Variants in REDIC1 observed in about 807,000 individuals in gnomAD.
REDIC1 encodes the protein HEI10 Interacting Protein 1.
chr12:39,739,380 T>C, the REDIC1 span, among the ~76,000 whole-genome samples: 1 of 152,170 alleles, frequency 6.6e-6, no homozygotes, highest in South Asian at 2.1e-4. Context: ...ACTTAGTCAG[T>C]AAACAATATT....
chr12:39,861,157 A>C, the REDIC1 span, among the ~76,000 whole-genome samples: 1 of 152,214 alleles, frequency 6.6e-6, no homozygotes, highest in Non-Finnish European at 1.5e-5. Context: ...TTAAGAGCTC[A>C]GTACAAACAT....
the REDIC1 span, among the ~76,000 whole-genome samples, chr12:39,818,271 C>T: frequency 6.7e-6 from 1 of 150,104 alleles, no homozygotes; most frequent in Non-Finnish European, 1.5e-5. Context: ...TCTGTGAAGT[C>T]ACAGGAAAAA....
At chr12:39,646,440 G>C in the REDIC1 span, 1 of 1,551,080 alleles carries the variant, frequency 6.4e-7, no homozygotes, top group Non-Finnish European at 8.7e-7. Context: ...TCTAAACTCT[G>C]CCTTGATGAT....
the REDIC1 span, among the ~76,000 whole-genome samples, chr12:39,751,014 T>C: frequency 1.3e-5 from 2 of 152,172 alleles, no homozygotes; most frequent in African/African-American, 2.4e-5. Flanking sequence ...AAGGACTTCA[T>C]GTCTAAAACA....
At chr12:39,752,971 G>C in the REDIC1 span, among the ~76,000 whole-genome samples, 1 of 152,188 alleles carries the variant, frequency 6.6e-6, no homozygotes, top group Admixed American at 6.5e-5. Context: ...CAGAGAATCT[G>C]ATTCAGCAGG....
At chr12:39,795,727 G>A in the REDIC1 span, among the ~76,000 whole-genome samples, 5 of 152,094 alleles carry the variant, frequency 3.3e-5, no homozygotes, top group South Asian at 2.1e-4. Flanking sequence ...TTATGGGCAC[G>A]GGAAACATAA....
chr12:39,738,283 G>T, the REDIC1 span, among the ~76,000 whole-genome samples: 17 of 152,282 alleles, frequency 1.1e-4, no homozygotes, highest in African/African-American at 3.8e-4. Flanking sequence ...TTGGCCATTT[G>T]TTCCTCAGCT....
chr12:39,896,503 T>TAC, the REDIC1 span, among the ~76,000 whole-genome samples: 2 of 146,508 alleles, frequency 1.4e-5, no homozygotes, highest in East Asian at 2.3e-4. Flanking sequence ...CACATATATG[T>TAC]ATGTACATGT....
chr12:39,850,649 A>G, the REDIC1 span, among the ~76,000 whole-genome samples: 3 of 152,216 alleles, frequency 2.0e-5, no homozygotes. Context: ...ATATTTACTT[A>G]TGTGTTTAGC....
chr12:39,719,155 G>T, the REDIC1 span, among the ~76,000 whole-genome samples: 1 of 152,104 alleles, frequency 6.6e-6, no homozygotes, highest in East Asian at 1.9e-4. Flanking sequence ...TAGAAAGGAA[G>T]AGATGACTGT....
At chr12:39,639,694 C>T in the REDIC1 span, among the ~76,000 whole-genome samples, 1 of 151,892 alleles carries the variant, frequency 6.6e-6, no homozygotes, top group Admixed American at 6.6e-5. Flanking sequence ...AGAAACAGAA[C>T]CTACCTTACA....
chr12:39,728,504 T>C, the REDIC1 span, among the ~76,000 whole-genome samples: 1 of 152,180 alleles, frequency 6.6e-6, no homozygotes, highest in African/African-American at 2.4e-5. Context: ...GCCAACTTGA[T>C]CATGATGGAT....
chr12:39,892,178 G>C, the REDIC1 span, among the ~76,000 whole-genome samples: 183 of 152,194 alleles, frequency 1.2e-3, no homozygotes, highest in Non-Finnish European at 1.7e-3. Context: ...AGCTTGAGCA[G>C]AGAAGCAGCC....
chr12:39,872,477 T>C, the REDIC1 span, among the ~76,000 whole-genome samples: 1 of 152,168 alleles, frequency 6.6e-6, no homozygotes, highest in Non-Finnish European at 1.5e-5. Flanking sequence ...GTATCTAGCA[T>C]TGTGTAAAAA....
At chr12:39,890,706 T>C in the REDIC1 span, among the ~76,000 whole-genome samples, 1 of 152,194 alleles carries the variant, frequency 6.6e-6, no homozygotes, top group Admixed American at 6.5e-5. Context: ...TGTACAGTTA[T>C]TACATATCAA....
At chr12:39,652,089 T>G in the REDIC1 span, among the ~76,000 whole-genome samples, 1 of 152,170 alleles carries the variant, frequency 6.6e-6, no homozygotes, top group Non-Finnish European at 1.5e-5. Flanking sequence ...GTTCATTCCT[T>G]TTTATTGCAG....
At chr12:39,817,572 A>G in the REDIC1 span, among the ~76,000 whole-genome samples, 1 of 152,198 alleles carries the variant, frequency 6.6e-6, no homozygotes, top group Non-Finnish European at 1.5e-5. Context: ...GATGGCAGCT[A>G]AGGGGGTTAG....
At chr12:39,805,757 T>C in the REDIC1 span, among the ~76,000 whole-genome samples, 165 of 152,270 alleles carry the variant, frequency 1.1e-3, no homozygotes, top group South Asian at 5.0e-3. Flanking sequence ...TAGGTATCAA[T>C]GAAACCAGAT....
chr12:39,843,963 T>A, the REDIC1 span, among the ~76,000 whole-genome samples: 1 of 152,040 alleles, frequency 6.6e-6, no homozygotes, highest in African/African-American at 2.4e-5. Flanking sequence ...AAACTGATCA[T>A]TATATTGGTG....
Sources: allele counts gnomAD v4.1 joint callset (sites outside exome capture counted in the v4.1 genomes callset), GRCh38; gene constraint gnomAD v4.1.1; transcripts MANE v1.5; gene names NCBI Gene and HGNC (gene_info 2026-07-23, HGNC 2026-07-21).